Variants in ZFYVE28 observed in about 807,000 individuals in gnomAD.
ZFYVE28 encodes zinc finger FYVE-type containing 28.
A neutral mutation model predicts 82.1 loss-of-function variants in ZFYVE28; 40 were observed. That is an observed-to-expected ratio of 0.49 (90% CI 0.38 to 0.63). ZFYVE28 has a LOEUF of 0.63. ZFYVE28 is among the 30% of genes least tolerant of loss of function. The pLI is 0.00. For missense variants in ZFYVE28, 1,321 were observed against 1,242.1 expected (o/e 1.06, Z -0.96); for synonymous variants, 612 against 546.1 (o/e 1.12, Z -1.68).
chr4:2,340,235 A>G (rs1350513482), intron 3 of ZFYVE28, among the ~76,000 whole-genome samples: 2 of 152,098 alleles, frequency 1.3e-5, no homozygotes, highest in Non-Finnish European at 2.9e-5. Flanking sequence ...TCAGTGTGAG[A>G]GTCCCTGGGC....
chr4:2,294,691 A>G (rs890130085), intron 8 of ZFYVE28, among the ~76,000 whole-genome samples: 1 of 152,272 alleles, frequency 6.6e-6, no homozygotes, highest in South Asian at 2.1e-4. Context: ...TGAAAATCAC[A>G]TAACAGAATT....
In ZFYVE28 at chr4:2,337,477, G is replaced by A; in HGVS notation, c.541C>T (p.Pro181Ser). 6.2e-7 allele frequency: 1 copy of A among 1,608,852 alleles called. No individual in the cohort carries two copies. The change falls in exon 5 of 13, where the codon CCT (proline) becomes TCT (serine). Residue 181 changes from proline (P) to serine (S), a missense_variant. By Grantham distance (74) the Pro-to-Ser change is moderately conservative (BLOSUM62 -1). Transcript: ENST00000290974. ...FELSYVSAMV[P>S]VKSPREYYVQ... is the part of the protein sequence containing the mutation. The stretch of plus-strand genomic sequence containing the variant: ...TAGTACTCCCTGGGGGACTTCACAG[G>A]CACCATGGCCGAGACGTAGCTGCAA...
chr4:2,337,653 G>A (rs1449967886), intron 4 of ZFYVE28, among the ~76,000 whole-genome samples, 157 bp from the exon 5 acceptor site: 2 of 152,078 alleles, frequency 1.3e-5, no homozygotes, highest in African/African-American at 4.8e-5. Context: ...AGTCTGAGGT[G>A]GGAGGATGGC....
intron 6 of ZFYVE28, among the ~76,000 whole-genome samples, chr4:2,324,137 G>T (rs1719518674): frequency 6.6e-6 from 1 of 152,120 alleles, no homozygotes; most frequent in Non-Finnish European, 1.5e-5. Flanking sequence ...CAATTGTGGG[G>T]GCTGGAAAGT....
At chr4:2,336,885 GGAGGT>G (rs1413583334) in intron 5 of ZFYVE28, among the ~76,000 whole-genome samples, 1 of 99,332 alleles carries the variant, frequency 1.0e-5, no homozygotes. Flanking sequence ...TGAAGAGTGA[GGAGGT>G]GAGGTGAGGA....
chr4:2,337,529 C>CTGGGCTG (rs1722023015), intron 4 of ZFYVE28, 33 bp from the exon 5 acceptor site: 1 of 1,563,798 alleles, frequency 6.4e-7, no homozygotes, highest in Non-Finnish European at 8.7e-7. Flanking sequence ...GAGGCCGCAC[C>CTGGGCTG]TGGGCTGTGG....
intron 6 of ZFYVE28, among the ~76,000 whole-genome samples, chr4:2,333,017 C>G (rs1185294474): frequency 6.6e-6 from 1 of 152,048 alleles, no homozygotes; most frequent in Admixed American, 6.5e-5. Context: ...CTCCTTCAAT[C>G]CAAGCCCCCT....
rs1335823209 is a variant in ZFYVE28, at chr4:2,402,257, G to A, written c.39+16028C>T. Among the ~76,000 whole-genome samples the A allele has an allele frequency of 2.6e-5, 4 of 152,140 alleles. No homozygotes were observed. The East Asian group carries it at 7.7e-4, about 29-fold the overall frequency. ...GAGACAGCCCTGCTGGGTGGGCGGG[G>A]CCCCTCCTCCCCAACTCCTCCCAAG... is the stretch of plus-strand genomic sequence containing the variant. On this transcript the variant is annotated intron_variant, in intron 1 of 12. Coordinates refer to ENST00000290974, the MANE Select transcript of ZFYVE28 (RefSeq NM_020972.3).
chr4:2,304,934 T>C lies in ZFYVE28; in HGVS notation c.1406A>G (p.Asp469Gly). The change falls in exon 8 of 13, where the codon GAT (aspartate) becomes GGT (glycine). Residue 469 changes from aspartate (D) to glycine (G), a missense_variant. Physicochemically the swap from Asp to Gly is moderately conservative, Grantham distance 94. This residue lies in a region of ZFYVE28 where 978 missense variants were observed against 833.7 expected (regional missense o/e 1.17). Coordinates refer to ENST00000290974, the MANE Select transcript of ZFYVE28 (RefSeq NM_020972.3). ...GCTGGTGCCCGCGAGGCTGGCCCCA[T>C]CTGTGCCCTCGGCCTCGAGATTGTT... ...SNNNLEAEGTDGASLAGTSSC... is the reference protein window; with the variant it reads ...SNNNLEAEGTGGASLAGTSSC... 6.2e-7 allele frequency: 1 copy of C among 1,612,670 alleles called. No homozygotes were observed. Among genetic ancestry groups the C allele is most frequent in the Non-Finnish European group, 8.5e-7 (1 of 1,179,880 alleles).
rs779016705 is a variant in ZFYVE28 at position 2,270,733 on chromosome 4, C to T, written c.2656G>A (p.Gly886Ser). The T allele has an allele frequency of 3.8e-5, 61 of 1,613,034 alleles. No homozygotes were observed. The highest frequency in any genetic ancestry group is 3.5e-4 in the South Asian group (32 of 91,072). The change falls in exon 13 of 13, where the codon GGC (glycine) becomes AGC (serine). Residue 886 changes from glycine to serine, a missense_variant. Physicochemically the swap from Gly to Ser is moderately conservative, Grantham distance 56 (BLOSUM62 0). Around this residue, in one of 2 missense-constraint regions of ZFYVE28, gnomAD observed 978 missense variants for 833.7 expected, o/e 1.17. Coordinates refer to ENST00000290974, the MANE Select transcript of ZFYVE28 (RefSeq NM_020972.3). ...CTGCCCCTGGCACCACGTCACAGGC[C>T]GGCCTTGTCGCTGTAGAAGGGCGTG... ...HVTPFYSDKA[G>S]L
intron 6 of ZFYVE28, among the ~76,000 whole-genome samples, chr4:2,322,590 C>T (rs1719256594): frequency 6.6e-6 from 1 of 152,126 alleles, no homozygotes. Context: ...GCCAGTCTTC[C>T]CTTTTCTTTT....
At chr4:2,287,517 G>A (rs889709806) in intron 8 of ZFYVE28, 2 of 152,270 alleles carry the variant, frequency 1.3e-5, no homozygotes, top group South Asian at 2.1e-4. Context: ...TCAACATCCA[G>A]GGAAAGTGCT....
chr4:2,403,440 TGGATCGTGGCG>T (rs2108676519), intron 1 of ZFYVE28, among the ~76,000 whole-genome samples: 1 of 152,374 alleles, frequency 6.6e-6, no homozygotes. Flanking sequence ...TGGCCATCCC[TGGATCGTGGCG>T]GGAGGACATA....
intron 7 of ZFYVE28, among the ~76,000 whole-genome samples, chr4:2,318,269 A>G (rs1253850688): frequency 6.6e-6 from 1 of 152,094 alleles, no homozygotes; most frequent in Non-Finnish European, 1.5e-5. Flanking sequence ...TAAAAGCAGG[A>G]TCTTTTGGCT....
chr4:2,400,693 G>A (rs1255636921), intron 1 of ZFYVE28, among the ~76,000 whole-genome samples: 1 of 152,176 alleles, frequency 6.6e-6, no homozygotes, highest in African/African-American at 2.4e-5. Flanking sequence ...TCCAGGGCAG[G>A]AAGCATCCAG....
chr4:2,338,198 T>C (rs543553291), intron 4 of ZFYVE28, among the ~76,000 whole-genome samples: 49 of 152,380 alleles, frequency 3.2e-4, no homozygotes, highest in Middle Eastern at 6.8e-3. Context: ...CAGCCCAGGC[T>C]GGGCACAGCG....
chr4:2,388,291 A>G (rs1041124464), intron 1 of ZFYVE28, among the ~76,000 whole-genome samples: 6 of 152,218 alleles, frequency 3.9e-5, no homozygotes, highest in African/African-American at 1.4e-4. Context: ...CACAATGTCA[A>G]TTTCCCAATT....
chr4:2,291,037 G>C (rs1265414258), intron 8 of ZFYVE28, among the ~76,000 whole-genome samples: 1 of 152,224 alleles, frequency 6.6e-6, no homozygotes, highest in Non-Finnish European at 1.5e-5. Context: ...GTGCCTGCAC[G>C]TGTGCTCCTG....
At position 2,320,188 on chromosome 4, in the gene ZFYVE28, G is replaced by A. The variant is rs759682871; in HGVS notation, c.785C>T (p.Thr262Met). 27 of 1,486,826 alleles carry A rather than the reference G, an allele frequency of 1.8e-5. No homozygotes were observed. Among genetic ancestry groups the A allele is most frequent in the Admixed American group, 9.0e-5 (5 of 55,488 alleles). 92.1% of individuals were successfully genotyped at this position (1,486,826 alleles called of 1,614,324 possible). Residue 262 changes from threonine (T) to methionine (M), a missense_variant, in exon 7 of 13, where the codon ACG becomes ATG. Transcript: ENST00000290974. This position sits in a 1 kb window ranked among gnomAD's most constrained non-coding sequence, Gnocchi z 5.1. Reference sequence around the variant, plus strand: ...TCCCCACCTTATTTTCCGCAGCAACGTGTGGAAGGGCCGGAACAGCTCGGA... The same window carrying A: ...TCCCCACCTTATTTTCCGCAGCAACATGTGGAAGGGCCGGAACAGCTCGGA... ...DMSELFRPFH[T>M]LLRKIRDLLQ... is the part of the protein sequence containing the mutation.
Sources: gnomAD v4.1 joint callset for allele counts (sites outside exome capture counted in the v4.1 genomes callset) on GRCh38, gnomAD v4.1.1 for gene constraint, gnomAD v4.1.1 regional missense constraint, Gnocchi (gnomAD v3.1) non-coding constraint, MANE v1.5 for transcripts, NCBI Gene and HGNC (gene_info 2026-07-23, HGNC 2026-07-21) for gene names.